LRBA: variants seen among roughly 807,000 people sequenced by gnomAD.
LRBA encodes lipopolysaccharide-responsive and beige-like anchor protein.
LRBA carries 176 observed loss-of-function variants against 330.0 expected under a neutral mutation model. That is an observed-to-expected ratio of 0.53 (90% confidence interval 0.47 to 0.60). The LOEUF is 0.60. Among genes scored for constraint, LRBA ranks in the 20% least tolerant of loss-of-function variants. LRBA has a pLI of 0.00. For missense variants in LRBA, 3,259 were observed against 3,444.8 expected (o/e 0.95, Z 1.35); for synonymous variants, 1,230 against 1,193.0 (o/e 1.03, Z -0.64).
chr4:150,871,292 A>G (rs992044335), intron 19 of LRBA, 53 bp downstream of exon 19: 31 of 917,628 alleles, frequency 3.4e-5, no homozygotes, highest in Admixed American at 2.0e-4. Flanking sequence ...CAATGTTAAG[A>G]GGCATTTTTA....
chr4:150,649,151 C>CCT (rs950852759), intron 37 of LRBA, among the ~76,000 whole-genome samples: 7 of 152,152 alleles, frequency 4.6e-5, no homozygotes, highest in African/African-American at 1.4e-4. Flanking sequence ...ATACCTCTGG[C>CCT]CTCTGCCTTC....
intron 16 of LRBA, among the ~76,000 whole-genome samples, chr4:150,896,089 A>G (rs1255868345): frequency 1.3e-5 from 2 of 152,012 alleles, no homozygotes; most frequent in Non-Finnish European, 2.9e-5. Flanking sequence ...TTCGTAATCT[A>G]TTTTTTCATT....
intron 36 of LRBA, among the ~76,000 whole-genome samples, chr4:150,723,191 G>A (rs576904502): frequency 6.6e-5 from 10 of 152,260 alleles, no homozygotes; most frequent in African/African-American, 2.4e-4. Flanking sequence ...GTGAACTAGG[G>A]TGGCACATGA....
rs190217913 is a variant in LRBA, at chr4:150,677,741, T to C, written c.5921+5810A>G. Among the ~76,000 whole-genome samples the C allele has an allele frequency of 1.5e-3, 233 of 151,710 alleles. 2 individuals carry two copies. Among genetic ancestry groups the C allele is most frequent in the Admixed American group, 3.2e-3 (49 of 15,226 alleles). On this transcript the variant is annotated intron_variant, in intron 37 of 56. Transcript: ENST00000651943. ...ATTACTTGAGCCCAGGAGTTCAAAG[T>C]TGCAGTAAGCTATAATCACGCCACT...
At chr4:150,825,247 C>G (rs1560871999) in intron 30 of LRBA, among the ~76,000 whole-genome samples, 1 of 152,160 alleles carries the variant, frequency 6.6e-6, no homozygotes, top group Non-Finnish European at 1.5e-5. Flanking sequence ...TTAATGCATA[C>G]TGTACTACTG....
chr4:150,731,146 C>T (rs927497409), intron 36 of LRBA, among the ~76,000 whole-genome samples: 18 of 152,160 alleles, frequency 1.2e-4, no homozygotes, highest in East Asian at 1.9e-4. Context: ...TAATAACAAA[C>T]GCTGTCGAGG....
intron 36 of LRBA, among the ~76,000 whole-genome samples, chr4:150,731,540 C>A (rs1042797188): frequency 2.6e-5 from 4 of 152,058 alleles, no homozygotes; most frequent in Admixed American, 6.5e-5. Context: ...ATAAGCTATG[C>A]GCAGAAAGAC....
intron 48 of LRBA, among the ~76,000 whole-genome samples, chr4:150,343,226 G>A (rs1447143621): frequency 6.6e-6 from 1 of 152,104 alleles, no homozygotes; most frequent in Non-Finnish European, 1.5e-5. Context: ...GCTGTACTCC[G>A]ATCCTAAAGT....
intron 50 of LRBA, among the ~76,000 whole-genome samples, chr4:150,317,938 C>G (rs1731939562): frequency 1.3e-5 from 2 of 152,232 alleles, no homozygotes; most frequent in South Asian, 4.1e-4. Flanking sequence ...AGTACAGAAC[C>G]TACATCCTCA....
At chr4:150,968,373 T>C (rs763817150) in intron 2 of LRBA, among the ~76,000 whole-genome samples, 2 of 152,198 alleles carry the variant, frequency 1.3e-5, no homozygotes, top group Non-Finnish European at 2.9e-5. Flanking sequence ...AAGGTTGAAA[T>C]AGGCCAAAAG....
chr4:150,815,690 A>T (rs2126760426), intron 31 of LRBA, among the ~76,000 whole-genome samples: 1 of 152,100 alleles, frequency 6.6e-6, no homozygotes, highest in South Asian at 2.1e-4. Flanking sequence ...CAAGACTATT[A>T]ATTAAATGTT....
intron 2 of LRBA, among the ~76,000 whole-genome samples, chr4:150,995,611 T>A: frequency 6.6e-6 from 1 of 151,824 alleles, no homozygotes; most frequent in African/African-American, 2.4e-5. Context: ...TGAGAGGAGA[T>A]CATTCTAGGC....
At chr4:150,378,268 A>T (rs1741660158) in intron 47 of LRBA, among the ~76,000 whole-genome samples, 1 of 151,956 alleles carries the variant, frequency 6.6e-6, no homozygotes, top group African/African-American at 2.4e-5. Context: ...AATGTTAAGA[A>T]TTTTTTTTCT....
At chr4:150,375,881 T>C (rs1034484694) in intron 47 of LRBA, among the ~76,000 whole-genome samples, 1 of 152,178 alleles carries the variant, frequency 6.6e-6, no homozygotes, top group Admixed American at 6.5e-5. Flanking sequence ...TTTTGGGCTC[T>C]ATGTGGTATT....
In LRBA at chr4:150,915,732, A is replaced by G. The variant is rs201919348; in HGVS notation, c.895-5T>C. ...TACTATGGTAACCATATACCACTGC[A>G]GAAGCAAAAAACAGTTAAAAATACA... is the stretch of plus-strand genomic sequence containing the variant. On this transcript the variant is annotated splice_region_variant and splice_polypyrimidine_tract_variant and intron_variant, in intron 7 of 56. Coordinates refer to ENST00000651943, the MANE Select transcript of LRBA (RefSeq NM_001364905.1). The G allele has an allele frequency of 1.3e-6, 2 of 1,583,042 alleles. No individual in the cohort carries two copies. Among genetic ancestry groups the G allele is most frequent in the Non-Finnish European group, 1.7e-6 (2 of 1,167,988 alleles).
chr4:150,611,573 A>G (rs1350467127), intron 37 of LRBA, among the ~76,000 whole-genome samples: 1 of 152,198 alleles, frequency 6.6e-6, no homozygotes, highest in African/African-American at 2.4e-5. Flanking sequence ...ACCTATCAAC[A>G]CACATTTCAA....
In LRBA at chr4:150,848,701, T is replaced by C; in HGVS notation, c.4339+117A>G. ...ATGTACATTAAAAAAAGTAACCATA[T>C]GACAAATTAGCTAACATATATTTTC... On this transcript the variant is annotated intron_variant, in intron 26 of 56. Coordinates refer to ENST00000651943, the MANE Select transcript of LRBA (RefSeq NM_001364905.1). 3 of 789,450 alleles carry C rather than the reference T, an allele frequency of 3.8e-6. No homozygotes were observed. The South Asian group carries it at 6.0e-5, about 16-fold the overall frequency. The allele number at this position is 789,450 out of a possible 1,614,324, so 48.9% of individuals were successfully genotyped here.
intron 40 of LRBA, among the ~76,000 whole-genome samples, chr4:150,526,959 C>T (rs78602305): frequency 0.055 from 8,328 of 151,370 alleles, 289 homozygotes; most frequent in Non-Finnish European, 0.082. Context: ...TTCGTTGATA[C>T]GCTTTTCAAG....
At chr4:150,374,265 A>G (rs989482033) in intron 47 of LRBA, among the ~76,000 whole-genome samples, 4 of 152,228 alleles carry the variant, frequency 2.6e-5, no homozygotes, top group Non-Finnish European at 5.9e-5. Context: ...AATTTCACTT[A>G]GCCAGAGACA....
Sources: allele counts gnomAD v4.1 joint callset (sites outside exome capture counted in the v4.1 genomes callset), GRCh38; gene constraint gnomAD v4.1.1; transcripts MANE v1.5; gene names NCBI Gene and HGNC (gene_info 2026-07-23, HGNC 2026-07-21).